Variants in KIAA2013 observed in about 807,000 individuals in gnomAD.
KIAA2013 encodes the protein KIAA2013.
A neutral mutation model predicts 39.9 loss-of-function variants in KIAA2013; 20 were observed. The observed-to-expected ratio is 0.50, with a 90% confidence interval of 0.35 to 0.73. The LOEUF is 0.73. KIAA2013 is among the 30% of genes least tolerant of loss of function. The probability of loss-of-function intolerance (pLI) is 0.01; values close to 1 mark genes in which losing one functional copy is unlikely to be tolerated. For missense variants in KIAA2013, 587 were observed against 856.1 expected (o/e 0.69, Z 3.92); for synonymous variants, 336 against 416.6 (o/e 0.81, Z 2.35).
chr1:11,923,563 G>A lies in KIAA2013; in HGVS notation c.1034-74C>T. On this transcript the variant is annotated intron_variant, in intron 1 of 2. Coordinates refer to ENST00000376572, the MANE Select transcript of KIAA2013 (RefSeq NM_138346.3). The surrounding 1 kb of genome is among the most constrained non-coding windows in gnomAD (Gnocchi z 4.6). ...GCAGAGCATACGAAATAAAGACCAA[G>A]GGCAGCAGAAGAGTGAGGTGTTGTG... is the stretch of plus-strand genomic sequence containing the variant. 1 of 1,492,144 alleles carries A rather than the reference G, an allele frequency of 6.7e-7. No homozygotes were observed. Among genetic ancestry groups the A allele is most frequent in the Non-Finnish European group, 9.1e-7 (1 of 1,094,304 alleles). 92.4% of individuals were successfully genotyped at this position (1,492,144 alleles called of 1,614,324 possible).
rs1259513233 is a variant in KIAA2013, at chr1:11,923,519, G to C, written c.1034-30C>G. 11 of 1,599,016 alleles carry C rather than the reference G, an allele frequency of 6.9e-6. No homozygotes were observed. The highest frequency in any genetic ancestry group is 9.3e-6 in the Non-Finnish European group (11 of 1,178,994). On this transcript the variant is annotated intron_variant, in intron 1 of 2. Coordinates refer to ENST00000376572, the MANE Select transcript of KIAA2013 (RefSeq NM_138346.3). The surrounding 1 kb of genome is among the most constrained non-coding windows in gnomAD (Gnocchi z 4.6). ...AACACCATGAAAGCGGCATGTTAAG[G>C]GGGAAGGACAGCTGGGAGGCAGAGC...
chr1:11,925,689 G>C lies in KIAA2013; in HGVS notation c.549C>G (p.Arg183=), dbSNP rs559076061. 6.3e-7 allele frequency: 1 copy of C among 1,596,272 alleles called. No individual in the cohort carries two copies. The highest frequency in any genetic ancestry group is 8.5e-7 in the Non-Finnish European group (1 of 1,175,044). The change falls in exon 1 of 3, where the codon CGC becomes CGG. Residue 183 remains arginine, a synonymous_variant. Coordinates refer to ENST00000376572, the MANE Select transcript of KIAA2013 (RefSeq NM_138346.3). The surrounding 1 kb of genome is among the most constrained non-coding windows in gnomAD (Gnocchi z 5.2). ...SVSGLAAGSG[R]DCVLLQEDFL... is the part of the protein sequence containing the mutation. ...AGTCCTCTTGCAGCAGCACGCAGTCGCGGCCGGACCCCGCGGCAAGGCCAG... is the reference window on the plus strand; with the variant it reads ...AGTCCTCTTGCAGCAGCACGCAGTCCCGGCCGGACCCCGCGGCAAGGCCAG...
chr1:11,924,370 G>A (rs1373076344), intron 1 of KIAA2013, among the ~76,000 whole-genome samples: 3 of 135,654 alleles, frequency 2.2e-5, no homozygotes, highest in Non-Finnish European at 3.2e-5. Context: ...GGATTACAGC[G>A]TGAGCCACCG....
rs199692207 is a variant in KIAA2013, at chr1:11,923,240, T to A, written c.1283A>T (p.Asp428Val). 3.7e-6 allele frequency: 6 copies of A among 1,613,700 alleles called. No individual in the cohort carries two copies. The Admixed American group carries it at 8.3e-5, about 22-fold the overall frequency. ...SSVQQILQLS[D>V]LWRLTLQKRG... ...CTTCTGGAGGGTCAGCCTCCACAGG[T>A]CAGAGAGCTGCAGGATCTGCTGGAC... The change falls in exon 2 of 3, where the codon GAC becomes GTC. Residue 428 changes from aspartate (D) to valine (V), a missense_variant. Asp to Val is a radical substitution (Grantham distance 152). Transcript: ENST00000376572. This position sits in a 1 kb window ranked among gnomAD's most constrained non-coding sequence, Gnocchi z 4.6.
chr1:11,922,278 C>T (rs2100719498), intron 2 of KIAA2013: 1 of 1,174,878 alleles, frequency 8.5e-7, no homozygotes, highest in East Asian at 2.9e-5. Flanking sequence ...CAGCCTCAAA[C>T]TCCTGGGCTC....
intron 2 of KIAA2013, among the ~76,000 whole-genome samples, chr1:11,920,976 C>T (rs1388363306): frequency 1.3e-5 from 2 of 151,728 alleles, no homozygotes; most frequent in Non-Finnish European, 2.9e-5. Flanking sequence ...GGGGCACAGA[C>T]GCAGAGCCTA....
chr1:11,920,018 G>A lies in KIAA2013; in HGVS notation c.*297C>T, dbSNP rs61439270. The A allele has an allele frequency of 6.7e-3, 3,174 of 475,804 alleles. 94 individuals are homozygous for A. The highest frequency in any genetic ancestry group is 0.057 in the African/African-American group (2,846 of 50,342). The allele number at this position is 475,804 out of a possible 1,614,324, so 29.5% of individuals were successfully genotyped here. On this transcript the variant is annotated 3_prime_UTR_variant, in exon 3 of 3. Transcript: ENST00000376572. The stretch of plus-strand genomic sequence containing the variant: ...TTTCAAAAGATGATCTATTTCCTGG[G>A]ACAGAAGAAAGGGGGAAAGTGGAAG...
chr1:11,920,264 G>C lies in KIAA2013; in HGVS notation c.*51C>G. 1 of 1,606,546 alleles carries C rather than the reference G, an allele frequency of 6.2e-7. No individual in the cohort carries two copies. Among genetic ancestry groups the C allele is most frequent in the Non-Finnish European group, 8.5e-7 (1 of 1,173,180 alleles). The stretch of plus-strand genomic sequence containing the variant: ...CTTGCTCCTGGCAGCGGGACTTTCA[G>C]TGCTGGGTGTCTTGTGCAAATGGTG... On this transcript the variant is annotated 3_prime_UTR_variant, in exon 3 of 3. Transcript: ENST00000376572.
At chr1:11,921,874 G>A (rs1045359733) in intron 2 of KIAA2013, among the ~76,000 whole-genome samples, 1 of 151,856 alleles carries the variant, frequency 6.6e-6, no homozygotes, top group African/African-American at 2.4e-5. Flanking sequence ...TTTAGACAGG[G>A]TCTCACTCTG....
chr1:11,921,358 T>C (rs1645473284), intron 2 of KIAA2013, among the ~76,000 whole-genome samples: 1 of 152,052 alleles, frequency 6.6e-6, no homozygotes, highest in African/African-American at 2.4e-5. Context: ...GGGCAATGCT[T>C]CTGTCCTGTG....
intron 2 of KIAA2013, among the ~76,000 whole-genome samples, chr1:11,921,840 G>A (rs1461170478): frequency 6.6e-6 from 1 of 151,154 alleles, no homozygotes; most frequent in African/African-American, 2.4e-5. Context: ...ATGAGCCACT[G>A]CACCCAGCCT....
chr1:11,920,114 C>T lies in KIAA2013; in HGVS notation c.*201G>A. 1 of 654,220 alleles carries T rather than the reference C, an allele frequency of 1.5e-6. No homozygotes were observed. The highest frequency in any genetic ancestry group is 2.8e-6 in the Non-Finnish European group (1 of 363,034). The allele number at this position is 654,220 out of a possible 1,614,324, so 40.5% of individuals were successfully genotyped here. Reference sequence around the variant, plus strand: ...GAGTGGAAAGCTTACAAAAGGTCCACTGGCCCCTTCCCTCCCCACGTGACA... The same window carrying T: ...GAGTGGAAAGCTTACAAAAGGTCCATTGGCCCCTTCCCTCCCCACGTGACA... On this transcript the variant is annotated 3_prime_UTR_variant, in exon 3 of 3. Transcript: ENST00000376572.
intron 1 of KIAA2013, among the ~76,000 whole-genome samples, chr1:11,924,678 C>T (rs576708909): frequency 2.4e-4 from 36 of 152,216 alleles, no homozygotes; most frequent in African/African-American, 7.9e-4. Context: ...TAACAGTCAA[C>T]GAGAGGAGAG....
Position 11,926,094 on chromosome 1 carries a change from G to A in KIAA2013, c.144C>T (p.His48=), listed in dbSNP as rs1438248567. 3.5e-6 allele frequency: 5 copies of A among 1,432,268 alleles called. No individual in the cohort carries two copies. Among genetic ancestry groups the A allele is most frequent in the Non-Finnish European group, 4.6e-6 (5 of 1,092,044 alleles). The allele number at this position is 1,432,268 out of a possible 1,614,324, so 88.7% of individuals were successfully genotyped here. A position where few individuals can be genotyped will look rare whatever the true frequency, so the allele number is the denominator to read the frequency against. The change falls in exon 1 of 3, where the codon CAC becomes CAT. Residue 48 remains histidine (H), a synonymous_variant. Coordinates refer to ENST00000376572, the MANE Select transcript of KIAA2013 (RefSeq NM_138346.3). ...SGARRAAGGL[H]LLPWSRGEPG... Reference sequence around the variant, plus strand: ...GCTCACCGCGGGACCAGGGCAGCAGGTGCAGGCCGCCCGCCGCCCGCCGCG... The same window carrying A: ...GCTCACCGCGGGACCAGGGCAGCAGATGCAGGCCGCCCGCCGCCCGCCGCG...
intron 1 of KIAA2013, among the ~76,000 whole-genome samples, chr1:11,924,807 C>T: frequency 6.6e-6 from 1 of 152,124 alleles, no homozygotes; most frequent in Non-Finnish European, 1.5e-5. Context: ...TGTCAAGAAG[C>T]CCACGTCTGT....
chr1:11,926,166 G>A lies in KIAA2013; in HGVS notation c.72C>T (p.Cys24=), dbSNP rs1238121282. The change falls in exon 1 of 3, where the codon TGC becomes TGT. Residue 24 remains cysteine, a synonymous_variant. Transcript: ENST00000376572. The stretch of plus-strand genomic sequence containing the variant: ...GAAGCAGCAGCAGGAGGCCAAGCAG[G>A]CAGAGGAGGCGGCGGGCCCAGCTGC... ...LSSSWARRLL[C]LLGLLLLLLW... is the part of the protein sequence containing the mutation. 3.6e-6 allele frequency: 5 copies of A among 1,396,158 alleles called. No individual in the cohort carries two copies. Among genetic ancestry groups the A allele is most frequent in the Non-Finnish European group, 3.7e-6 (4 of 1,068,220 alleles). 86.5% of individuals were successfully genotyped at this position (1,396,158 alleles called of 1,614,324 possible).
rs748376716 is a variant in KIAA2013 at position 11,923,404 on chromosome 1, C to T, written c.1119G>A (p.Ser373=). 13 of 1,612,398 alleles carry T rather than the reference C, an allele frequency of 8.1e-6. No homozygotes were observed. The highest frequency in any genetic ancestry group is 4.0e-5 in the African/African-American group (3 of 74,890). Residue 373 remains serine, a synonymous_variant, in exon 2 of 3, where the codon TCG becomes TCA. Coordinates refer to ENST00000376572, the MANE Select transcript of KIAA2013 (RefSeq NM_138346.3). The surrounding 1 kb of genome is among the most constrained non-coding windows in gnomAD (Gnocchi z 4.6). ...GGGAGGGGCTGAGCAGTGGGGCTGG[C>T]GAGCAGGAGAGCATGTAATAGAGCG... is the stretch of plus-strand genomic sequence containing the variant. ...NLTLYYMLSC[S]PAPLLSPSLS... is the part of the protein sequence containing the mutation.
At position 11,923,512 on chromosome 1, in the gene KIAA2013, T is replaced by C. The variant is rs202141566; in HGVS notation, c.1034-23A>G. On this transcript the variant is annotated intron_variant, in intron 1 of 2. Coordinates refer to ENST00000376572, the MANE Select transcript of KIAA2013 (RefSeq NM_138346.3). The surrounding 1 kb of genome is among the most constrained non-coding windows in gnomAD (Gnocchi z 4.6). ...CTCCTGCAACACCATGAAAGCGGCA[T>C]GTTAAGGGGGAAGGACAGCTGGGAG... 1.9e-6 allele frequency: 3 copies of C among 1,600,164 alleles called. No individual in the cohort carries two copies. Among genetic ancestry groups the C allele is most frequent in the East Asian group, 4.5e-5 (2 of 44,864 alleles).
At position 11,925,031 on chromosome 1, in the gene KIAA2013, G is replaced by A. The variant is rs11799295; in HGVS notation, c.1033+174C>T. ...GTTATTGTTATTAAATACAGGCCCA[G>A]AGAGATTAGGCGACGAATCCAAAGG... On this transcript the variant is annotated intron_variant, in intron 1 of 2. Coordinates refer to ENST00000376572, the MANE Select transcript of KIAA2013 (RefSeq NM_138346.3). This position sits in a 1 kb window ranked among gnomAD's most constrained non-coding sequence, Gnocchi z 5.2. Among the ~76,000 whole-genome samples the A allele has an allele frequency of 0.016, 2,462 of 152,312 alleles. 57 individuals carry two copies. Among genetic ancestry groups the A allele is most frequent in the African/African-American group, 0.056 (2,333 of 41,552 alleles).
Sources: gnomAD v4.1 joint callset for allele counts (sites outside exome capture counted in the v4.1 genomes callset) on GRCh38, gnomAD v4.1.1 for gene constraint, Gnocchi (gnomAD v3.1) non-coding constraint, MANE v1.5 for transcripts, NCBI Gene and HGNC (gene_info 2026-07-23, HGNC 2026-07-21) for gene names.